Variants in UBE2R2 observed in about 807,000 individuals in gnomAD.
UBE2R2 encodes ubiquitin-conjugating enzyme E2 R2.
UBE2R2 carries 1 observed loss-of-function variant against 27.8 expected under a neutral mutation model. That is an observed-to-expected ratio of 0.04 (90% confidence interval 0.01 to 0.17). The LOEUF (loss-of-function observed/expected upper bound fraction) is 0.17, where lower values mean the gene tolerates loss of function less well. UBE2R2 is among the 10% of genes least tolerant of loss of function. The pLI is 1.00. For missense variants in UBE2R2, 100 were observed against 291.0 expected, an observed-to-expected ratio of 0.34 and a Z score of 4.78; for synonymous variants, 106 against 113.3, an observed-to-expected ratio of 0.94 and a Z score of 0.41.
chr9:33,842,814 A>G (rs1379922156), intron 1 of UBE2R2, among the ~76,000 whole-genome samples: 1 of 152,114 alleles, frequency 6.6e-6, no homozygotes, highest in African/African-American at 2.4e-5. Flanking sequence ...TTTGATGTAT[A>G]TAAATTTCCT....
At chr9:33,910,097 A>G (rs1205656988) in intron 3 of UBE2R2, among the ~76,000 whole-genome samples, 1 of 152,120 alleles carries the variant, frequency 6.6e-6, no homozygotes, top group Admixed American at 6.6e-5. Flanking sequence ...TTTAGGGGGA[A>G]AAAGCCTAGG....
At chr9:33,902,783 C>T (rs991885194) in intron 3 of UBE2R2, among the ~76,000 whole-genome samples, 1 of 152,160 alleles carries the variant, frequency 6.6e-6, no homozygotes, top group African/African-American at 2.4e-5. Context: ...TCGATAGACT[C>T]AATTTTAAAT....
intron 1 of UBE2R2, among the ~76,000 whole-genome samples, chr9:33,857,476 A>G (rs1304634499): frequency 6.6e-6 from 1 of 151,630 alleles, no homozygotes; most frequent in Non-Finnish European, 1.5e-5. Flanking sequence ...GCGCCACCAC[A>G]CCTGGCTAGT....
intron 1 of UBE2R2, among the ~76,000 whole-genome samples, chr9:33,853,288 C>CTTTTTTTTTTTTTTT (rs71506143): frequency 8.7e-6 from 1 of 115,362 alleles, no homozygotes; most frequent in Non-Finnish European, 1.7e-5. Context: ...TTTTCTCTCT[C>CTTTTTTTTTTTTTTT]TTTTTTTTTT....
chr9:33,867,804 A>AG (rs1821396979), intron 1 of UBE2R2, among the ~76,000 whole-genome samples: 3 of 152,298 alleles, frequency 2.0e-5, no homozygotes, highest in Admixed American at 2.0e-4. Flanking sequence ...CTGTACTCCC[A>AG]GCTACTTGGG....
At chr9:33,868,861 G>A (rs901417800) in intron 1 of UBE2R2, among the ~76,000 whole-genome samples, 1 of 152,202 alleles carries the variant, frequency 6.6e-6, no homozygotes, top group Admixed American at 6.5e-5. Flanking sequence ...GCCATCAGCT[G>A]AGCTATTACC....
chr9:33,877,823 G>GTCTCTCTCTCTCTCTCTCTC (rs1554675184), intron 1 of UBE2R2, among the ~76,000 whole-genome samples: 3,187 of 130,934 alleles, frequency 0.024, 89 homozygotes, highest in Admixed American at 0.05. Flanking sequence ...CTGTCTGTCT[G>GTCTCTCTCTCTCTCTCTCTC]TCTCTCTCTC....
In UBE2R2 at chr9:33,817,576, A is replaced by T. The variant is rs1223399783; in HGVS notation, c.-182A>T. 2.7e-5 allele frequency: 14 copies of T among 524,022 alleles called. 1 individual carries two copies. The South Asian group carries it at 1.2e-3, about 45-fold the overall frequency. 32.5% of individuals were successfully genotyped at this position (524,022 alleles called of 1,614,324 possible). On this transcript the variant is annotated 5_prime_UTR_variant, in exon 1 of 5. Transcript: ENST00000263228. ...CCCGGCCCGGCCTGCGTCGTGTGTG[A>T]GGAGGACCCCGGGCGGGCCCACGGG...
intron 1 of UBE2R2, among the ~76,000 whole-genome samples, chr9:33,839,361 C>T (rs1009411930): frequency 4.6e-5 from 7 of 152,110 alleles, no homozygotes; most frequent in East Asian, 1.9e-4. Flanking sequence ...CCTCAGCCTC[C>T]CAGGTAGCTG....
At position 33,847,009 on chromosome 9, in the gene UBE2R2, T is replaced by G. The variant is rs563675455; in HGVS notation, c.177+29075T>G. 1.8e-3 allele frequency among the ~76,000 whole-genome samples: 279 copies of G among 151,172 alleles called. 2 individuals are homozygous for G. Among genetic ancestry groups the G allele is most frequent in the Admixed American group, 4.6e-3 (70 of 15,140 alleles). Reference sequence around the variant, plus strand: ...ATCTTTATTTTGCTTTTTTTTTTTTTGAAGGTTTTTTTTTTTCTGGATATA... The same window carrying G: ...ATCTTTATTTTGCTTTTTTTTTTTTGGAAGGTTTTTTTTTTTCTGGATATA... On this transcript the variant is annotated intron_variant, in intron 1 of 4. Transcript: ENST00000263228.
intron 1 of UBE2R2, among the ~76,000 whole-genome samples, chr9:33,846,983 C>G (rs1469476758): frequency 1.4e-5 from 2 of 142,634 alleles, no homozygotes; most frequent in Admixed American, 1.4e-4. Context: ...TGCCTGAAAA[C>G]ATCTTTATTT....
In UBE2R2 at chr9:33,864,599, G is replaced by A. The variant is rs1821318329; in HGVS notation, c.178-22282G>A. ...GTGTCTTGCTTTGTCGCCCAGGGTG[G>A]AGTGTGGTGTTGCAGTCATAGTCCA... is the stretch of plus-strand genomic sequence containing the variant. On this transcript the variant is annotated intron_variant, in intron 1 of 4. Coordinates refer to ENST00000263228, the MANE Select transcript of UBE2R2 (RefSeq NM_017811.4). Among the ~76,000 whole-genome samples, 4 of 152,212 alleles carry A rather than the reference G, an allele frequency of 2.6e-5. No homozygotes were observed. In the South Asian group the frequency reaches 8.3e-4, roughly 32 times the overall value.
intron 1 of UBE2R2, among the ~76,000 whole-genome samples, chr9:33,856,162 G>A (rs763771898): frequency 6.6e-6 from 1 of 152,114 alleles, no homozygotes; most frequent in Admixed American, 6.6e-5. Flanking sequence ...AGCATAAATG[G>A]GTGAGAACCA....
At chr9:33,868,146 C>A (rs1228297852) in intron 1 of UBE2R2, among the ~76,000 whole-genome samples, 1 of 152,094 alleles carries the variant, frequency 6.6e-6, no homozygotes, top group Non-Finnish European at 1.5e-5. Context: ...CTGGCAGGCC[C>A]CTCTCCGAAG....
At chr9:33,881,696 T>A (rs1171324157) in intron 1 of UBE2R2, among the ~76,000 whole-genome samples, 1 of 152,172 alleles carries the variant, frequency 6.6e-6, no homozygotes, top group Non-Finnish European at 1.5e-5. Context: ...GGTTATAGAT[T>A]TTGGGGGAAG....
At chr9:33,908,728 G>C (rs1233879710) in intron 3 of UBE2R2, among the ~76,000 whole-genome samples, 1 of 152,230 alleles carries the variant, frequency 6.6e-6, no homozygotes, top group African/African-American at 2.4e-5. Flanking sequence ...CCAACTAGGT[G>C]AAAGTACTTG....
chr9:33,824,632 C>T (rs1820264053), intron 1 of UBE2R2, among the ~76,000 whole-genome samples: 2 of 147,074 alleles, frequency 1.4e-5, no homozygotes, highest in Non-Finnish European at 3.0e-5. Context: ...GAGCGAGGCT[C>T]TGTCTCAAAA....
chr9:33,874,926 G>A (rs1001338964), intron 1 of UBE2R2, among the ~76,000 whole-genome samples: 5 of 151,898 alleles, frequency 3.3e-5, no homozygotes, highest in Admixed American at 6.6e-5. Flanking sequence ...CCTCAGCCTC[G>A]CAAGGTGCTG....
At chr9:33,832,574 G>A (rs976376754) in intron 1 of UBE2R2, among the ~76,000 whole-genome samples, 1 of 150,968 alleles carries the variant, frequency 6.6e-6, no homozygotes, top group African/African-American at 2.4e-5. Flanking sequence ...GGAGAATGAC[G>A]TCAACCTGGG....
Sources: gnomAD v4.1 joint callset for allele counts (sites outside exome capture counted in the v4.1 genomes callset) on GRCh38, gnomAD v4.1.1 for gene constraint, MANE v1.5 for transcripts, NCBI Gene and HGNC (gene_info 2026-07-23, HGNC 2026-07-21) for gene names.